The following SNTG2 variants were observed in gnomAD, a reference collection of about 807,000 sequenced individuals.
The protein encoded by SNTG2 is gamma-2-syntrophin.
In SNTG2, 74 loss-of-function variants were observed where a neutral mutation model predicts 70.9. The observed-to-expected ratio is 1.04, with a 90% CI of 0.86 to 1.27. The LOEUF (loss-of-function observed/expected upper bound fraction) is 1.27, where lower values mean the gene tolerates loss of function less well. SNTG2 is among the 50% of genes most tolerant of loss of function. The pLI is 0.00. For synonymous variants in SNTG2, 278 were observed against 273.8 expected (o/e 1.02, Z -0.15); for missense variants, 717 against 690.7 (o/e 1.04, Z -0.43).
intron 14 of SNTG2, among the ~76,000 whole-genome samples, chr2:1,287,915 C>T (rs1011461414): frequency 6.6e-6 from 1 of 152,098 alleles, no homozygotes; most frequent in Admixed American, 6.5e-5. Context: ...CCACCTCACT[C>T]ACGCATTCCA....
chr2:1,138,450 C>A (rs978936405), intron 6 of SNTG2, among the ~76,000 whole-genome samples: 5 of 152,244 alleles, frequency 3.3e-5, no homozygotes, highest in South Asian at 2.1e-4. Flanking sequence ...AGTGCAGCCT[C>A]ACCATAGGGC....
chr2:1,328,790 T>A (rs1419091580), intron 16 of SNTG2, among the ~76,000 whole-genome samples: 2 of 152,054 alleles, frequency 1.3e-5, no homozygotes, highest in African/African-American at 4.8e-5. Context: ...TCAAAACGTG[T>A]GTATCCACAC....
At chr2:1,111,084 C>T (rs1025833937) in intron 4 of SNTG2, among the ~76,000 whole-genome samples, 1 of 152,188 alleles carries the variant, frequency 6.6e-6, no homozygotes, top group African/African-American at 2.4e-5. Flanking sequence ...TTTCCAATCC[C>T]CAGATCTAGA....
At chr2:1,334,088 A>G (rs1233587309) in intron 16 of SNTG2, among the ~76,000 whole-genome samples, 1 of 152,210 alleles carries the variant, frequency 6.6e-6, no homozygotes, top group Non-Finnish European at 1.5e-5. Flanking sequence ...ACTCAAACAA[A>G]CCAGAAAGAA....
chr2:1,119,330 C>G (rs79785495), intron 4 of SNTG2, among the ~76,000 whole-genome samples: 1,531 of 152,276 alleles, frequency 0.01, 22 homozygotes, highest in African/African-American at 0.035. Context: ...CACAAATACA[C>G]TTGAAGGTAC....
chr2:1,114,065 C>T (rs192210274), intron 4 of SNTG2, among the ~76,000 whole-genome samples: 4,082 of 151,354 alleles, frequency 0.027, 144 homozygotes, highest in African/African-American at 0.095. Context: ...CCTTACAGTC[C>T]TTTGAGGAGA....
intron 1 of SNTG2, among the ~76,000 whole-genome samples, chr2:1,014,516 CAGAA>C (rs1434596327): frequency 1.4e-5 from 1 of 73,648 alleles, no homozygotes; most frequent in Admixed American, 1.4e-4. Flanking sequence ...TTTATATGGG[CAGAA>C]AGAAGGGTGG....
At position 1,275,721 on chromosome 2, in the gene SNTG2, C is replaced by G. The variant is rs569369016; in HGVS notation, c.1284+8150C>G. Among the ~76,000 whole-genome samples, 4 of 152,348 alleles carry G rather than the reference C, an allele frequency of 2.6e-5. No individual in the cohort carries two copies. The East Asian group carries it at 7.7e-4, about 29-fold the overall frequency. ...AAATGAAAGGAAGAGTCACATGTCTCTCACTTTAAATCAAAAGCTAGAAAT... is the reference window on the plus strand; with the variant it reads ...AAATGAAAGGAAGAGTCACATGTCTGTCACTTTAAATCAAAAGCTAGAAAT... On this transcript the variant is annotated intron_variant, in intron 14 of 16. Transcript: ENST00000308624.
At chr2:1,224,612 C>G (rs1242718728) in intron 9 of SNTG2, among the ~76,000 whole-genome samples, 2 of 152,212 alleles carry the variant, frequency 1.3e-5, no homozygotes, top group Non-Finnish European at 2.9e-5. Context: ...GAGGTACAGA[C>G]AGAACCCTCG....
At chr2:1,088,909 A>C (rs1450708031) in intron 2 of SNTG2, among the ~76,000 whole-genome samples, 1 of 152,244 alleles carries the variant, frequency 6.6e-6, no homozygotes, top group African/African-American at 2.4e-5. Flanking sequence ...ATTTGTCTCC[A>C]CAGCGGAGGA....
intron 12 of SNTG2, chr2:1,256,310 A>G (rs1375975919): frequency 6.6e-6 from 1 of 152,156 alleles, no homozygotes; most frequent in African/African-American, 2.4e-5. Flanking sequence ...ATAGACACAC[A>G]CGCACACACA....
Position 1,267,432 on chromosome 2 carries a change from AGGACCAGAGGCCC to A in SNTG2, c.1146_1158del (p.Glu382AspfsTer96). The A allele has an allele frequency of 1.9e-6, 3 of 1,612,576 alleles. No homozygotes were observed. Among genetic ancestry groups the A allele is most frequent in the Middle Eastern group, 3.3e-4 (2 of 6,048 alleles). On this transcript the variant is annotated frameshift_variant, in exon 14 of 17. Transcript: ENST00000308624. LOFTEE classifies it high-confidence loss of function. ...CTGGGTCTTCAAGATTTTGACTTTG[AGGACCAGAGGCCC>A]TATTGCTTCAGCATCGTGGCCGGCC...
chr2:1,349,328 G>C (rs548759540), intron 16 of SNTG2, among the ~76,000 whole-genome samples: 1 of 152,348 alleles, frequency 6.6e-6, no homozygotes, highest in Admixed American at 6.5e-5. Context: ...AATTAGGGAA[G>C]TTACAAGTCT....
At chr2:1,321,337 G>A (rs1479529426) in intron 16 of SNTG2, among the ~76,000 whole-genome samples, 10 of 152,268 alleles carry the variant, frequency 6.6e-5, no homozygotes, top group South Asian at 6.2e-4. Flanking sequence ...AAACACTACC[G>A]TGTATTTTTC....
At chr2:1,126,167 A>C (rs1667687719) in intron 4 of SNTG2, among the ~76,000 whole-genome samples, 1 of 152,072 alleles carries the variant, frequency 6.6e-6, no homozygotes, top group Admixed American at 6.6e-5. Context: ...CCTTCCCAAC[A>C]TCTAGTAACC....
chr2:1,066,190 TAGAA>T (rs1336487647), intron 1 of SNTG2, among the ~76,000 whole-genome samples: 5 of 152,336 alleles, frequency 3.3e-5, no homozygotes, highest in Admixed American at 2.0e-4. Context: ...GACGAACTCT[TAGAA>T]AGCATTTTCT....
intron 1 of SNTG2, among the ~76,000 whole-genome samples, chr2:998,120 C>T (rs1180944302): frequency 1.3e-5 from 2 of 152,168 alleles, no homozygotes; most frequent in East Asian, 1.9e-4. Flanking sequence ...CTCTACACAA[C>T]ATACATTATA....
intron 1 of SNTG2, among the ~76,000 whole-genome samples, chr2:1,053,486 A>G: frequency 6.6e-5 from 1 of 15,156 alleles, no homozygotes; most frequent in Non-Finnish European, 1.4e-4. Flanking sequence ...CCACCCCCCC[A>G]GCCCTTTGCA....
At chr2:1,134,255 C>T (rs1168084095) in intron 4 of SNTG2, among the ~76,000 whole-genome samples, 3 of 152,146 alleles carry the variant, frequency 2.0e-5, no homozygotes, top group East Asian at 1.9e-4. Flanking sequence ...AAGGGGACCC[C>T]AGCGGGTTGC....
Sources: gnomAD v4.1 joint callset for allele counts (sites outside exome capture counted in the v4.1 genomes callset) on GRCh38, gnomAD v4.1.1 for gene constraint, MANE v1.5 for transcripts, NCBI Gene and HGNC (gene_info 2026-07-23, HGNC 2026-07-21) for gene names.